Variants in IKBKE observed in about 807,000 individuals in gnomAD.
IKBKE encodes inhibitor of nuclear factor kappa-B kinase subunit epsilon.
In IKBKE, 45 loss-of-function variants were observed where a neutral mutation model predicts 92.1. The observed-to-expected ratio is 0.49, with a 90% confidence interval of 0.38 to 0.63. IKBKE has a LOEUF of 0.63. Ranked by LOEUF, IKBKE falls within the 20% of genes least tolerant of loss-of-function variation. The probability of loss-of-function intolerance (pLI) is 0.00; values close to 1 mark genes in which losing one functional copy is unlikely to be tolerated. For missense variants in IKBKE, 700 were observed against 932.8 expected (o/e 0.75, Z 3.25); for synonymous variants, 374 against 380.3 (o/e 0.98, Z 0.19).
intron 13 of IKBKE, among the ~76,000 whole-genome samples, chr1:206,483,454 G>A (rs538722368): frequency 5.9e-5 from 9 of 152,250 alleles, no homozygotes; most frequent in South Asian, 4.2e-4. Context: ...ACCATGTGCC[G>A]AACACGTTGC....
intron 20 of IKBKE, 137 bp from the exon 21 acceptor site, chr1:206,493,783 C>T (rs1553391366): frequency 1.9e-5 from 12 of 642,180 alleles, no homozygotes; most frequent in African/African-American, 7.3e-5. Flanking sequence ...AGCAAGACTC[C>T]GTCTCAAATA....
At chr1:206,471,420 G>T (rs76964137) in intron 2 of IKBKE, among the ~76,000 whole-genome samples, 175 bp downstream of exon 2, 1 of 152,144 alleles carries the variant, frequency 6.6e-6, no homozygotes, top group Admixed American at 6.5e-5. Context: ...TCTGCAGAGC[G>T]TGCAGAGTTA....
In IKBKE at chr1:206,476,389, C is replaced by T; in HGVS notation, c.540+27C>T. 1 of 1,580,748 alleles carries T rather than the reference C, an allele frequency of 6.3e-7. No homozygotes were observed. Among genetic ancestry groups the T allele is most frequent in the Non-Finnish European group, 8.6e-7 (1 of 1,160,090 alleles). On this transcript the variant is annotated intron_variant, in intron 6 of 21. Coordinates refer to ENST00000581977, the MANE Select transcript of IKBKE (RefSeq NM_014002.4). The surrounding 1 kb of genome is among the most constrained non-coding windows in gnomAD (Gnocchi z 5.1). ...TGGGTGAGCTGCTCGAGACCCGCTG[C>T]CCTATGCTGAGGGCTCCCCTTGCCT...
intron 13 of IKBKE, among the ~76,000 whole-genome samples, chr1:206,484,411 C>A (rs1249810704): frequency 6.6e-6 from 1 of 152,176 alleles, no homozygotes; most frequent in African/African-American, 2.4e-5. Flanking sequence ...CCTGATTCCT[C>A]TGCTGTACCG....
chr1:206,494,079 T>C (rs1395949402), intron 21 of IKBKE, 88 bp downstream of exon 21: 2 of 1,124,424 alleles, frequency 1.8e-6, no homozygotes, highest in Non-Finnish European at 2.7e-6. Flanking sequence ...AGCCTGCCCA[T>C]GCAGGTTTGA....
At position 206,487,865 on chromosome 1, in the gene IKBKE, CTG is replaced by C. The variant is rs1553389178; in HGVS notation, c.1617-46_1617-45del. 1 of 1,478,672 alleles carries C rather than the reference CTG, an allele frequency of 6.8e-7. No homozygotes were observed. Among genetic ancestry groups the C allele is most frequent in the Non-Finnish European group, 9.4e-7 (1 of 1,062,554 alleles). 91.6% of individuals were successfully genotyped at this position (1,478,672 alleles called of 1,614,324 possible). ...CCCTTCCCCTCCCTCCCTCTTTCCT[CTG>C]TGCTATTAGATTCTTCCAACACCTG... On this transcript the variant is annotated intron_variant, in intron 15 of 21. Coordinates refer to ENST00000581977, the MANE Select transcript of IKBKE (RefSeq NM_014002.4). The surrounding 1 kb of genome is among the most constrained non-coding windows in gnomAD (Gnocchi z 5.3).
chr1:206,473,649 A>G (rs1276489934), intron 3 of IKBKE, among the ~76,000 whole-genome samples: 1 of 152,148 alleles, frequency 6.6e-6, no homozygotes, highest in East Asian at 1.9e-4. Context: ...GTATGAGATG[A>G]TATCCACTCT....
At chr1:206,493,875 G>A (rs144552072) in intron 20 of IKBKE, 45 bp from the exon 21 acceptor site, 1 of 1,558,288 alleles carries the variant, frequency 6.4e-7, no homozygotes, top group Non-Finnish European at 8.8e-7. Context: ...TCTGGGCAGG[G>A]CAACTTCCAG....
rs375104629 is a variant in IKBKE, at chr1:206,491,760, C to G, written c.1835+11C>G. 2.5e-6 allele frequency: 4 copies of G among 1,597,806 alleles called. No individual in the cohort carries two copies. The South Asian group carries it at 3.3e-5, about 13-fold the overall frequency. ...CGGCAAGAGGATGAGGTAACAGCCCCTCCTGAGCTCCTGGAGCCCAGGGCC... is the reference window on the plus strand; with the variant it reads ...CGGCAAGAGGATGAGGTAACAGCCCGTCCTGAGCTCCTGGAGCCCAGGGCC... On this transcript the variant is annotated intron_variant, in intron 18 of 21. Transcript: ENST00000581977.
rs1424675305 is a variant in IKBKE, at chr1:206,485,955, C to T, written c.1616+649C>T. On this transcript the variant is annotated intron_variant, in intron 15 of 21. Coordinates refer to ENST00000581977, the MANE Select transcript of IKBKE (RefSeq NM_014002.4). The surrounding 1 kb of genome is among the most constrained non-coding windows in gnomAD (Gnocchi z 5.0). ...ACCAGGGGATGGGTGGTACCCAGCG[C>T]GGACCTCCTCCCCATTCTCTGCTGG... Among the ~76,000 whole-genome samples, 4 of 152,224 alleles carry T rather than the reference C, an allele frequency of 2.6e-5. No individual in the cohort carries two copies. Among genetic ancestry groups the T allele is most frequent in the Admixed American group, 1.3e-4 (2 of 15,286 alleles).
Position 206,491,740 on chromosome 1 carries a change from AGAGGAT to A in IKBKE, c.1831_1835+1del. ...CAAGCGTCCTTAGTCACACACGGCA[AGAGGAT>A]GAGGTAACAGCCCCTCCTGAGCTCC... On this transcript the variant is annotated inframe_deletion, in exon 18 of 22. Transcript: ENST00000581977. The A allele has an allele frequency of 1.2e-6, 2 of 1,612,170 alleles. No homozygotes were observed. The highest frequency in any genetic ancestry group is 1.7e-6 in the Non-Finnish European group (2 of 1,178,632).
intron 18 of IKBKE, 39 bp downstream of exon 18, chr1:206,491,788 G>GC: frequency 4.7e-6 from 7 of 1,482,480 alleles, no homozygotes; most frequent in South Asian, 1.1e-5. Flanking sequence ...CCAGGGCCTG[G>GC]CCTGGCCCTT....
Position 206,487,898 on chromosome 1 carries a change from T to C in IKBKE, c.1617-16T>C, listed in dbSNP as rs2103477076. 6.2e-7 allele frequency: 1 copy of C among 1,608,774 alleles called. No individual in the cohort carries two copies. Among genetic ancestry groups the C allele is most frequent in the African/African-American group, 1.3e-5 (1 of 74,920 alleles). ...TTAGATTCTTCCAACACCTGGTCCC[T>C]GTCTCCTGCCCACAGCATCCAGCAG... is the stretch of plus-strand genomic sequence containing the variant. On this transcript the variant is annotated splice_polypyrimidine_tract_variant and intron_variant, in intron 15 of 21. Transcript: ENST00000581977. The surrounding 1 kb of genome is among the most constrained non-coding windows in gnomAD (Gnocchi z 5.3).
chr1:206,474,111 T>C (rs897113537), intron 3 of IKBKE, among the ~76,000 whole-genome samples: 2 of 151,888 alleles, frequency 1.3e-5, no homozygotes, highest in Admixed American at 6.6e-5. Context: ...CTGCAGAAGA[T>C]CAGAGTGTCA....
At chr1:206,479,599 T>A (rs1337878876) in intron 10 of IKBKE, among the ~76,000 whole-genome samples, 2 of 152,208 alleles carry the variant, frequency 1.3e-5, no homozygotes, top group African/African-American at 4.8e-5. Context: ...GGAAGGGGTA[T>A]TCACCTCAAA....
At chr1:206,492,731 C>T (rs782813679) in intron 18 of IKBKE, 2 of 566,610 alleles carry the variant, frequency 3.5e-6, no homozygotes, top group South Asian at 1.5e-5. Flanking sequence ...CTGACTGGTG[C>T]CACGCTCACC....
At chr1:206,492,917 C>A (rs781913002) in intron 18 of IKBKE, 106 bp from the exon 19 acceptor site, 7 of 975,168 alleles carry the variant, frequency 7.2e-6, no homozygotes, top group Non-Finnish European at 1.1e-5. Flanking sequence ...GAGGCAAATA[C>A]CCGGGACCCA....
Position 206,485,923 on chromosome 1 carries a change from G to A in IKBKE, c.1616+617G>A, listed in dbSNP as rs570943108. 1.3e-5 allele frequency among the ~76,000 whole-genome samples: 2 copies of A among 152,162 alleles called. No homozygotes were observed. The highest frequency in any genetic ancestry group is 2.9e-5 in the Non-Finnish European group (2 of 68,030). On this transcript the variant is annotated intron_variant, in intron 15 of 21. Transcript: ENST00000581977. The surrounding 1 kb of genome is among the most constrained non-coding windows in gnomAD (Gnocchi z 5.0). ...GTGGGGAGCCGCTGCCTACCTTGCC[G>A]CTTCTGACCAGGGGATGGGTGGTAC...
intron 21 of IKBKE, 90 bp downstream of exon 21, chr1:206,494,081 C>T (rs1290970825): frequency 3.8e-5 from 42 of 1,097,598 alleles, no homozygotes; most frequent in Non-Finnish European, 5.5e-5. Flanking sequence ...CCTGCCCATG[C>T]AGGTTTGATG....
Sources: gnomAD v4.1 joint callset for allele counts (sites outside exome capture counted in the v4.1 genomes callset) on GRCh38, gnomAD v4.1.1 for gene constraint, Gnocchi (gnomAD v3.1) non-coding constraint, MANE v1.5 for transcripts, NCBI Gene and HGNC (gene_info 2026-07-23, HGNC 2026-07-21) for gene names.